The following RIMS3 variants were observed in gnomAD, a reference collection of about 807,000 sequenced individuals.
RIMS3 encodes regulating synaptic membrane exocytosis 3, also known as regulating synaptic membrane exocytosis protein 3.
In RIMS3, 15 loss-of-function variants were observed where a neutral mutation model predicts 29.2. The ratio of observed to expected loss-of-function variants is 0.51; its 90% CI spans 0.34 to 0.79. RIMS3 has a LOEUF of 0.79. Among genes scored for constraint, RIMS3 ranks in the 30% least tolerant of loss-of-function variants. RIMS3 has a pLI of 0.01. For synonymous variants in RIMS3, 161 were observed against 170.1 expected, an observed-to-expected ratio of 0.95 and a Z score of 0.41; for missense variants, 342 against 421.4, an observed-to-expected ratio of 0.81 and a Z score of 1.65.
the RIMS3 span, chr1:40,691,475 G>A: frequency 3.4e-6 from 1 of 298,240 alleles, no homozygotes; most frequent in African/African-American, 2.3e-5. Context: ...GCAGGGTGGT[G>A]GAGGTCACTG....
At chr1:40,690,337 C>T in the RIMS3 span, 18,668 of 150,904 alleles carry the variant, frequency 0.12, 1,268 homozygotes, top group African/African-American at 0.15. Context: ...TATGCCATTT[C>T]TCATGTCTGA....
chr1:40,648,816 G>A (rs775064687), intron 1 of RIMS3, among the ~76,000 whole-genome samples: 1 of 152,162 alleles, frequency 6.6e-6, no homozygotes, highest in African/African-American at 2.4e-5. Flanking sequence ...GAGAGGTGGC[G>A]CATGAAGCTG....
Position 40,635,394 on chromosome 1 carries a change from A to G in RIMS3, c.359+522T>C, listed in dbSNP as rs1050777347. The stretch of plus-strand genomic sequence containing the variant: ...AGGCAATTTATTCTTACTTCATAAG[A>G]TATGTCTATTTCTTTTTCTAATGCT... On this transcript the variant is annotated intron_variant, in intron 4 of 7. Coordinates refer to ENST00000372684, the MANE Select transcript of RIMS3 (RefSeq NM_014747.3). The surrounding 1 kb of genome is among the most constrained non-coding windows in gnomAD (Gnocchi z 4.1). Among the ~76,000 whole-genome samples, 4 of 152,196 alleles carry G rather than the reference A, an allele frequency of 2.6e-5. No homozygotes were observed. Among genetic ancestry groups the G allele is most frequent in the African/African-American group, 9.7e-5 (4 of 41,446 alleles).
Position 40,638,086 on chromosome 1 carries a change from C to T in RIMS3, c.218-2029G>A, listed in dbSNP as rs138569272. On this transcript the variant is annotated intron_variant, in intron 3 of 7. Transcript: ENST00000372684. The stretch of plus-strand genomic sequence containing the variant: ...TCCAACCCAATGTGAGACCCTGAGT[C>T]GGGGAGTCACAGAATCCTGAAATCT... 1.1e-3 allele frequency among the ~76,000 whole-genome samples: 172 copies of T among 152,272 alleles called. 3 individuals carry two copies. The highest frequency in any genetic ancestry group is 3.9e-3 in the African/African-American group (164 of 41,552).
chr1:40,675,876 G>A, the RIMS3 span, among the ~76,000 whole-genome samples: 29 of 152,026 alleles, frequency 1.9e-4, 1 homozygote, highest in African/African-American at 7.0e-4. Flanking sequence ...TGCAGTGAGT[G>A]ATGATCGTGG....
At chr1:40,648,904 C>T (rs1441637604) in intron 1 of RIMS3, among the ~76,000 whole-genome samples, 1 of 152,234 alleles carries the variant, frequency 6.6e-6, no homozygotes, top group African/African-American at 2.4e-5. Context: ...CCTAATCCAG[C>T]ACCAGGATGG....
chr1:40,669,748 A>G (rs902128205), upstream of RIMS3: 3 of 152,282 alleles, frequency 2.0e-5, no homozygotes, highest in Non-Finnish European at 4.4e-5. Context: ...ACCAGGACCA[A>G]GCTAAGGAGT....
chr1:40,668,296 C>T (rs1057318043), upstream of RIMS3, among the ~76,000 whole-genome samples: 5 of 150,464 alleles, frequency 3.3e-5, no homozygotes, highest in African/African-American at 1.2e-4. Flanking sequence ...ATTGCACACA[C>T]CTGTAGTCCC....
At chr1:40,661,756 T>C (rs973830059) in intron 1 of RIMS3, among the ~76,000 whole-genome samples, 1 of 152,252 alleles carries the variant, frequency 6.6e-6, no homozygotes, top group Non-Finnish European at 1.5e-5. Context: ...GAGACGGGTA[T>C]GCCTTCCCAG....
At chr1:40,685,316 AATT>A in the RIMS3 span, among the ~76,000 whole-genome samples, 15 of 17,742 alleles carry the variant, frequency 8.5e-4, no homozygotes, top group East Asian at 7.0e-3. Flanking sequence ...TAATATATAT[AATT>A]ATTAATATAT....
At chr1:40,626,877 G>A (rs528420956) in intron 7 of RIMS3, 148 bp from the exon 8 acceptor site, 1 of 723,066 alleles carries the variant, frequency 1.4e-6, no homozygotes, top group East Asian at 2.7e-5. Context: ...AATTTACTGA[G>A]CACTTGAGGT....
chr1:40,686,082 G>C, the RIMS3 span, among the ~76,000 whole-genome samples: 3 of 152,164 alleles, frequency 2.0e-5, no homozygotes, highest in Non-Finnish European at 4.4e-5. Flanking sequence ...CTGGGAGGCA[G>C]AGGTTGCAGT....
At chr1:40,652,557 A>C (rs974671201) in intron 1 of RIMS3, among the ~76,000 whole-genome samples, 1 of 152,220 alleles carries the variant, frequency 6.6e-6, no homozygotes, top group African/African-American at 2.4e-5. Context: ...CTCTAAAGGA[A>C]GGAGGCGGCA....
Position 40,636,889 on chromosome 1 carries a change from G to A in RIMS3, c.218-832C>T, listed in dbSNP as rs1238564797. Among the ~76,000 whole-genome samples, 1 of 152,174 alleles carries A rather than the reference G, an allele frequency of 6.6e-6. No individual in the cohort carries two copies. The highest frequency in any genetic ancestry group is 1.5e-5 in the Non-Finnish European group (1 of 68,032). ...ACACCATCCTGCCTGGGTTTCCATG[G>A]CAACCTCCTCGGCATTGCAGTGTGG... On this transcript the variant is annotated intron_variant, in intron 3 of 7. Transcript: ENST00000372684. This position sits in a 1 kb window ranked among gnomAD's most constrained non-coding sequence, Gnocchi z 4.2.
At chr1:40,651,431 A>G (rs1374018855) in intron 1 of RIMS3, among the ~76,000 whole-genome samples, 2 of 152,188 alleles carry the variant, frequency 1.3e-5, no homozygotes, top group Non-Finnish European at 2.9e-5. Flanking sequence ...ACACAGAAGG[A>G]AGCAATCCTG....
chr1:40,690,986 T>C, the RIMS3 span: 1 of 152,364 alleles, frequency 6.6e-6, no homozygotes, highest in African/African-American at 2.4e-5. Context: ...TCAAGTTACT[T>C]AACCTTTTTG....
upstream of RIMS3, among the ~76,000 whole-genome samples, chr1:40,668,219 C>G (rs921248106): frequency 4.1e-5 from 6 of 147,784 alleles, no homozygotes; most frequent in Non-Finnish European, 8.9e-5. Flanking sequence ...CCACTGCACT[C>G]CAGCCTGGTA....
upstream of RIMS3, among the ~76,000 whole-genome samples, chr1:40,665,894 C>G (rs375190525): frequency 6.6e-6 from 1 of 152,138 alleles, no homozygotes; most frequent in Non-Finnish European, 1.5e-5. Flanking sequence ...CTCCGTGTCC[C>G]TAGGACTCTC....
intron 1 of RIMS3, among the ~76,000 whole-genome samples, chr1:40,650,234 C>T (rs1291660714): frequency 6.6e-6 from 1 of 152,190 alleles, no homozygotes; most frequent in Non-Finnish European, 1.5e-5. Context: ...AGCAGCCATG[C>T]CCCCTTCCCA....
Sources: allele counts gnomAD v4.1 joint callset (sites outside exome capture counted in the v4.1 genomes callset), GRCh38; gene constraint gnomAD v4.1.1; non-coding constraint Gnocchi (gnomAD v3.1); transcripts MANE v1.5; gene names NCBI Gene and HGNC (gene_info 2026-07-23, HGNC 2026-07-21).